Variants in PDE4D observed in about 807,000 individuals in gnomAD.
The protein encoded by PDE4D is 3',5'-cyclic-AMP phosphodiesterase 4D.
Under a neutral mutation model 87.4 loss-of-function variants are expected in PDE4D, and 24 were observed. The observed-to-expected ratio is 0.27, with a 90% CI of 0.20 to 0.39. The LOEUF is 0.39. Ranked by LOEUF, PDE4D falls within the 10% of genes least tolerant of loss-of-function variation. PDE4D has a pLI of 1.00. For synonymous variants in PDE4D, 384 were observed against 383.2 expected (o/e 1.00, Z -0.02); for missense variants, 714 against 1,041.0 (o/e 0.69, Z 4.32).
At chr5:60,176,948 C>T (rs13189895) in intron 2 of PDE4D, among the ~76,000 whole-genome samples, 8,343 of 152,162 alleles carry the variant, frequency 0.055, 251 homozygotes, top group Middle Eastern at 0.085. Flanking sequence ...AGAAGAAAGA[C>T]ATTTCACTGT....
intron 1 of PDE4D, among the ~76,000 whole-genome samples, chr5:59,715,566 G>A (rs528655688): frequency 7.1e-6 from 1 of 141,328 alleles, no homozygotes; most frequent in African/African-American, 2.4e-5. Flanking sequence ...CCAAAGAGGT[G>A]ACACATATGA....
At chr5:60,349,618 A>T (rs549998610) in intron 1 of PDE4D, among the ~76,000 whole-genome samples, 1 of 152,062 alleles carries the variant, frequency 6.6e-6, no homozygotes, top group Non-Finnish European at 1.5e-5. Context: ...AGGTAAGAGG[A>T]CTCTTTCTGA....
At chr5:60,087,281 C>T (rs1465504502) in intron 2 of PDE4D, among the ~76,000 whole-genome samples, 2 of 152,124 alleles carry the variant, frequency 1.3e-5, no homozygotes, top group Non-Finnish European at 2.9e-5. Flanking sequence ...CCAAAAAAAC[C>T]CCCACAATAA....
At chr5:59,715,413 C>A (rs996319466) in intron 1 of PDE4D, among the ~76,000 whole-genome samples, 1 of 152,202 alleles carries the variant, frequency 6.6e-6, no homozygotes, top group Non-Finnish European at 1.5e-5. Context: ...CGATGGGGCA[C>A]GGTACACAGA....
intron 1 of PDE4D, among the ~76,000 whole-genome samples, chr5:59,790,204 A>T (rs1765630806): frequency 6.6e-6 from 1 of 152,206 alleles, no homozygotes; most frequent in African/African-American, 2.4e-5. Context: ...AACCTTGTCT[A>T]CTTTCAAACA....
At chr5:59,207,455 G>A (rs1230505100) in intron 2 of PDE4D, among the ~76,000 whole-genome samples, 4 of 151,942 alleles carry the variant, frequency 2.6e-5, no homozygotes, top group African/African-American at 4.8e-5. Context: ...GTGTTTCATT[G>A]AGAGCACTAT....
intron 1 of PDE4D, among the ~76,000 whole-genome samples, chr5:60,244,060 G>A (rs1304915592): frequency 6.6e-6 from 1 of 151,794 alleles, no homozygotes; most frequent in Non-Finnish European, 1.5e-5. Flanking sequence ...AAAACCTAAA[G>A]ACTCTCTCAA....
chr5:59,302,154 CCT>C (rs1453369877), intron 1 of PDE4D, among the ~76,000 whole-genome samples: 2 of 152,038 alleles, frequency 1.3e-5, no homozygotes, highest in Non-Finnish European at 1.5e-5. Flanking sequence ...ACATGCAGCC[CCT>C]GACAGATATT....
intron 1 of PDE4D, among the ~76,000 whole-genome samples, chr5:59,577,948 A>G (rs1823449189): frequency 6.6e-6 from 1 of 152,212 alleles, no homozygotes; most frequent in Admixed American, 6.5e-5. Flanking sequence ...AGTTCTGGTT[A>G]AAGTCATATT....
intron 1 of PDE4D, among the ~76,000 whole-genome samples, chr5:59,267,647 T>C (rs1763067551): frequency 6.6e-6 from 1 of 152,114 alleles, no homozygotes; most frequent in South Asian, 2.1e-4. Flanking sequence ...ATCTATTGAT[T>C]CACTCTCATT....
chr5:60,262,042 C>T (rs1404927221), intron 1 of PDE4D, among the ~76,000 whole-genome samples: 1 of 152,008 alleles, frequency 6.6e-6, no homozygotes, highest in African/African-American at 2.4e-5. Context: ...AACCTTCTAC[C>T]TCAGCGTAAG....
chr5:60,227,948 A>G (rs758436144), intron 1 of PDE4D, among the ~76,000 whole-genome samples: 1 of 151,736 alleles, frequency 6.6e-6, no homozygotes, highest in Admixed American at 6.6e-5. Context: ...CTATAATCAC[A>G]TTGTCTACAT....
chr5:60,359,362 C>T (rs565115245), intron 1 of PDE4D, among the ~76,000 whole-genome samples: 11 of 152,206 alleles, frequency 7.2e-5, no homozygotes, highest in Admixed American at 3.9e-4. Flanking sequence ...GAGCTGGGAT[C>T]GCACCACTGC....
intron 2 of PDE4D, among the ~76,000 whole-genome samples, chr5:60,070,773 GT>G (rs1448516623): frequency 6.6e-6 from 1 of 151,832 alleles, no homozygotes; most frequent in East Asian, 1.9e-4. Flanking sequence ...TTCTTTAAAC[GT>G]TTGTTAGAAT....
chr5:59,147,724 T>C (rs1377640283), intron 5 of PDE4D, among the ~76,000 whole-genome samples: 1 of 152,228 alleles, frequency 6.6e-6, no homozygotes, highest in Non-Finnish European at 1.5e-5. Context: ...ACTTATAATG[T>C]AAATGCAAGA....
At chr5:60,310,378 T>C (rs1219257073) in intron 1 of PDE4D, among the ~76,000 whole-genome samples, 1 of 152,100 alleles carries the variant, frequency 6.6e-6, no homozygotes, top group African/African-American at 2.4e-5. Flanking sequence ...GGAACAAAAA[T>C]AAATATATGA....
chr5:59,922,599 G>A (rs1754793941), intron 3 of PDE4D, among the ~76,000 whole-genome samples: 1 of 152,062 alleles, frequency 6.6e-6, no homozygotes, highest in Non-Finnish European at 1.5e-5. Context: ...GAAATACCCT[G>A]GACCAAAAGG....
chr5:60,431,760 C>T (rs537331396), intron 1 of PDE4D, among the ~76,000 whole-genome samples: 12 of 152,340 alleles, frequency 7.9e-5, no homozygotes, highest in East Asian at 7.7e-4. Flanking sequence ...GAGATCACAC[C>T]GCTGCACTCC....
chr5:60,102,021 A>G (rs926219612), intron 2 of PDE4D, among the ~76,000 whole-genome samples: 5 of 152,158 alleles, frequency 3.3e-5, no homozygotes, highest in Admixed American at 2.0e-4. Context: ...GGAGACCTCA[A>G]TTGAGTTTGG....
Sources: gnomAD v4.1 joint callset for allele counts (sites outside exome capture counted in the v4.1 genomes callset) on GRCh38, gnomAD v4.1.1 for gene constraint, MANE v1.5 for transcripts, NCBI Gene and HGNC (gene_info 2026-07-23, HGNC 2026-07-21) for gene names.